SH3BGRL: variants seen among roughly 807,000 people sequenced by gnomAD.
SH3BGRL encodes the protein SH3 domain binding glutamate rich protein like.
In SH3BGRL, 7 loss-of-function variants were observed where a neutral mutation model predicts 9.8. The observed-to-expected ratio is 0.72, with a 90% confidence interval of 0.41 to 1.35. SH3BGRL has a LOEUF of 1.35. SH3BGRL is among the 40% of genes most tolerant of loss of function. The pLI is 0.01. For synonymous variants in SH3BGRL, 36 were observed against 29.1 expected (o/e 1.24, Z -0.76); for missense variants, 73 against 84.4 (o/e 0.86, Z 0.53).
intron 1 of SH3BGRL, among the ~76,000 whole-genome samples, chrX:81,231,683 C>T (rs2075633349): frequency 9.0e-6 from 1 of 111,658 alleles, no homozygotes; most frequent in African/African-American, 3.3e-5. Context: ...TGGTCTTTAT[C>T]AGCTTTCATA....
At chrX:81,294,630 G>GC (rs1353282831) in intron 3 of SH3BGRL, among the ~76,000 whole-genome samples, 2 of 111,226 alleles carry the variant, frequency 1.8e-5, no homozygotes, top group Non-Finnish European at 3.8e-5. Flanking sequence ...TGGAGTTGGA[G>GC]CCCCCACACA....
intron 1 of SH3BGRL, among the ~76,000 whole-genome samples, chrX:81,271,898 G>T (rs772527124): frequency 9.0e-6 from 1 of 111,578 alleles, no homozygotes; most frequent in Non-Finnish European, 1.9e-5. Context: ...AATTGAGCAA[G>T]AAGAAGCCAA....
intron 1 of SH3BGRL, among the ~76,000 whole-genome samples, chrX:81,269,594 T>C (rs2075770485): frequency 8.9e-6 from 1 of 111,992 alleles, no homozygotes; most frequent in African/African-American, 3.3e-5. Context: ...CCACTGTTAG[T>C]CTGATGGGCT....
chrX:81,266,373 G>T (rs753675677), intron 1 of SH3BGRL, among the ~76,000 whole-genome samples: 1 of 111,551 alleles, frequency 9.0e-6, no homozygotes, highest in South Asian at 3.8e-4. Context: ...GTTGATTTTT[G>T]TATACAGTGT....
At chrX:81,242,724 G>GA (rs1017980120) in intron 1 of SH3BGRL, among the ~76,000 whole-genome samples, 4 of 109,641 alleles carry the variant, frequency 3.6e-5, no homozygotes, top group Admixed American at 9.7e-5. Flanking sequence ...AGCTCTAGAG[G>GA]AAAAAAAAAC....
At chrX:81,219,605 C>G (rs893482072) in intron 1 of SH3BGRL, among the ~76,000 whole-genome samples, 8 of 111,095 alleles carry the variant, frequency 7.2e-5, no homozygotes, top group South Asian at 7.4e-4. Flanking sequence ...ATTGGGATGC[C>G]CTTTATGTCT....
chrX:81,294,286 A>C (rs1249510498), intron 3 of SH3BGRL, among the ~76,000 whole-genome samples: 1 of 110,540 alleles, frequency 9.0e-6, no homozygotes, highest in Non-Finnish European at 1.9e-5. Flanking sequence ...TCAGAGGCCT[A>C]GGAGGAAAAA....
intron 1 of SH3BGRL, among the ~76,000 whole-genome samples, chrX:81,249,185 A>G (rs941012652): frequency 1.2e-4 from 14 of 112,691 alleles, no homozygotes; most frequent in African/African-American, 4.5e-4. Context: ...ACCTAGAACA[A>G]GTGTCAAGAA....
At position 81,278,074 on chromosome X, in the gene SH3BGRL, T is replaced by C. The variant is rs1165446042; in HGVS notation, c.232-257T>C. 3.6e-5 allele frequency among the ~76,000 whole-genome samples: 4 copies of C among 111,791 alleles called. No homozygotes were observed. The Admixed American group carries it at 3.8e-4, about 11-fold the overall frequency. On this transcript the variant is annotated intron_variant, in intron 2 of 3. Coordinates refer to ENST00000373212, the MANE Select transcript of SH3BGRL (RefSeq NM_003022.3). ...GCCTCCCAGGCTCAAGCGATTCTCC[T>C]GCCGCAACCTTCCAAGTAGCGGGGA...
chrX:81,211,381 C>G lies in SH3BGRL; in HGVS notation c.45+9136C>G, dbSNP rs769256711. Among the ~76,000 whole-genome samples, 5 of 111,502 alleles carry G rather than the reference C, an allele frequency of 4.5e-5. No homozygotes were observed. In the South Asian group the frequency reaches 1.1e-3, roughly 25 times the overall value. On this transcript the variant is annotated intron_variant, in intron 1 of 3. Transcript: ENST00000373212. ...CGGGCGGATCACGAGGTCAGGAGAT[C>G]AAGACCATCCTGGCTAACAGGGTGA...
chrX:81,229,528 G>C (rs1300924353), intron 1 of SH3BGRL, among the ~76,000 whole-genome samples: 3 of 111,418 alleles, frequency 2.7e-5, no homozygotes, highest in African/African-American at 9.8e-5. Flanking sequence ...TCAGCAGATG[G>C]TTGGGGAGCC....
Position 81,278,078 on chromosome X carries a change from G to A in SH3BGRL, c.232-253G>A, listed in dbSNP as rs770403379. 2.7e-5 allele frequency among the ~76,000 whole-genome samples: 3 copies of A among 111,403 alleles called. No homozygotes were observed. The East Asian group carries it at 8.5e-4, about 32-fold the overall frequency. The stretch of plus-strand genomic sequence containing the variant: ...CCCAGGCTCAAGCGATTCTCCTGCC[G>A]CAACCTTCCAAGTAGCGGGGATTAC... On this transcript the variant is annotated intron_variant, in intron 2 of 3. Transcript: ENST00000373212.
At chrX:81,271,882 C>T (rs1440479197) in intron 1 of SH3BGRL, among the ~76,000 whole-genome samples, 1 of 110,961 alleles carries the variant, frequency 9.0e-6, no homozygotes, top group African/African-American at 3.3e-5. Flanking sequence ...CTGTGGTTAA[C>T]CCTGAAATTG....
At chrX:81,220,592 GTT>G (rs200696883) in intron 1 of SH3BGRL, among the ~76,000 whole-genome samples, 1 of 101,839 alleles carries the variant, frequency 9.8e-6, no homozygotes, top group Non-Finnish European at 2.0e-5. Flanking sequence ...CTTTTTTAGT[GTT>G]TTTTTTTCAT....
intron 1 of SH3BGRL, among the ~76,000 whole-genome samples, chrX:81,256,219 C>A (rs1220683738): frequency 8.9e-6 from 1 of 112,016 alleles, no homozygotes; most frequent in African/African-American, 3.2e-5. Flanking sequence ...ACGTTTTCTA[C>A]TGCTTCAGAT....
chrX:81,260,255 G>A (rs183107993), intron 1 of SH3BGRL, among the ~76,000 whole-genome samples: 84 of 111,300 alleles, frequency 7.5e-4, no homozygotes, highest in Non-Finnish European at 1.4e-3. Flanking sequence ...TAGGCTTAGT[G>A]TTTAAATGGT....
rs774803944 is a variant in SH3BGRL at position 81,289,541 on chromosome X, C to T, written c.313-7654C>T. Among the ~76,000 whole-genome samples the T allele has an allele frequency of 1.7e-4, 19 of 109,278 alleles. No homozygotes were observed. In the South Asian group the frequency reaches 2.0e-3, roughly 11 times the overall value. 94.9% of individuals were successfully genotyped at this position (109,278 alleles called of 115,157 possible). On this transcript the variant is annotated intron_variant, in intron 3 of 3. Coordinates refer to ENST00000373212, the MANE Select transcript of SH3BGRL (RefSeq NM_003022.3). Reference sequence around the variant, plus strand: ...TACCCATCTGACAGGGGATCGGTAACGAGCATATATGAGAGGCTCAAACCA... The same window carrying T: ...TACCCATCTGACAGGGGATCGGTAATGAGCATATATGAGAGGCTCAAACCA...
At chrX:81,231,321 T>A (rs910917942) in intron 1 of SH3BGRL, among the ~76,000 whole-genome samples, 3 of 112,417 alleles carry the variant, frequency 2.7e-5, no homozygotes, top group East Asian at 5.6e-4. Flanking sequence ...CCTAACTCAG[T>A]TTATCACTTA....
chrX:81,247,841 T>G (rs2075694301), intron 1 of SH3BGRL, among the ~76,000 whole-genome samples: 2 of 110,817 alleles, frequency 1.8e-5, no homozygotes, highest in Non-Finnish European at 3.8e-5. Flanking sequence ...AAGGGAGATG[T>G]CCTTCCTCCT....
Sources: allele counts gnomAD v4.1 joint callset (sites outside exome capture counted in the v4.1 genomes callset), GRCh38; gene constraint gnomAD v4.1.1; transcripts MANE v1.5; gene names NCBI Gene and HGNC (gene_info 2026-07-23, HGNC 2026-07-21).